Variants in ASTE1 observed in about 807,000 individuals in gnomAD.
ASTE1 encodes single-strand DNA endonuclease ASTE1.
In ASTE1, 49 loss-of-function variants were observed where a neutral mutation model predicts 45.8. The ratio of observed to expected loss-of-function variants is 1.07; its 90% CI spans 0.85 to 1.36. ASTE1 has a LOEUF of 1.36. Among genes scored for constraint, ASTE1 ranks in the 40% most tolerant of loss-of-function variants. ASTE1 has a pLI of 0.00. For synonymous variants in ASTE1, 296 were observed against 303.9 expected (o/e 0.97, Z 0.27); for missense variants, 709 against 804.0 (o/e 0.88, Z 1.43).
At chr3:131,015,560 A>G (rs916589874) in intron 5 of ASTE1, among the ~76,000 whole-genome samples, 2 of 152,158 alleles carry the variant, frequency 1.3e-5, no homozygotes, top group African/African-American at 4.8e-5. Context: ...TAAAGCAAAC[A>G]TCCTAGGTTA....
intron 5 of ASTE1, among the ~76,000 whole-genome samples, chr3:131,015,769 G>A (rs2063593983): frequency 6.6e-6 from 1 of 152,174 alleles, no homozygotes; most frequent in Non-Finnish European, 1.5e-5. Context: ...GGTAGACAGT[G>A]TGTCTCACTA....
chr3:131,014,471 T>G, intron 5 of ASTE1, 84 bp from the exon 6 acceptor site: 1 of 1,308,016 alleles, frequency 7.6e-7, no homozygotes, highest in Non-Finnish European at 1.0e-6. Flanking sequence ...CTTCAACAAA[T>G]GCATCTAAAC....
Position 131,016,343 on chromosome 3 carries a change from A to T in ASTE1, c.1514-4T>A, listed in dbSNP as rs1406339754. 1 of 1,614,060 alleles carries T rather than the reference A, an allele frequency of 6.2e-7. No homozygotes were observed. The highest frequency in any genetic ancestry group is 8.5e-7 in the Non-Finnish European group (1 of 1,180,044). ...TCTTCCTGCAGCTCTTCCTTACCTA[A>T]ATAAAGAAACAGCCCAAGGGCAGTA... On this transcript the variant is annotated splice_polypyrimidine_tract_variant and splice_region_variant and intron_variant, in intron 4 of 5. Coordinates refer to ENST00000264992, the MANE Select transcript of ASTE1 (RefSeq NM_014065.4).
chr3:131,013,952 T>TAACA lies in ASTE1; in HGVS notation c.*101_*104dup, dbSNP rs929741277. The TAACA allele has an allele frequency of 8.0e-6, 6 of 750,764 alleles. No homozygotes were observed. Among genetic ancestry groups the TAACA allele is most frequent in the African/African-American group, 5.4e-5 (3 of 55,962 alleles). 46.5% of individuals were successfully genotyped at this position (750,764 alleles called of 1,614,324 possible). A position where few individuals can be genotyped will look rare whatever the true frequency, so the allele number is the denominator to read the frequency against. ...TCAGATTATTGTGATGTTTATCCCC[T>TAACA]AACAGGTCAGTCCTAAAGAAAAAGC... is the stretch of plus-strand genomic sequence containing the variant. On this transcript the variant is annotated 3_prime_UTR_variant, in exon 6 of 6. Coordinates refer to ENST00000264992, the MANE Select transcript of ASTE1 (RefSeq NM_014065.4).
chr3:131,019,395 C>G (rs2109089992), intron 3 of ASTE1, among the ~76,000 whole-genome samples: 1 of 152,312 alleles, frequency 6.6e-6, no homozygotes, highest in Middle Eastern at 3.4e-3. Flanking sequence ...TTAAGGACTA[C>G]TTGCATTGTG....
At position 131,024,698 on chromosome 3, in the gene ASTE1, G is replaced by A; in HGVS notation, c.609C>T (p.Phe203=). 6.3e-7 allele frequency: 1 copy of A among 1,598,858 alleles called. No individual in the cohort carries two copies. The highest frequency in any genetic ancestry group is 8.5e-7 in the Non-Finnish European group (1 of 1,172,500). ...TATTCATATTGCTGAAGTGATGGCA[G>A]AATGCATCAAGGGAAAAGCATTTGG... ...IPAKCFSLDA[F]CHHFSNMNKA... The change falls in exon 3 of 6, where the codon TTC becomes TTT. Residue 203 remains phenylalanine, a synonymous_variant. Transcript: ENST00000264992.
chr3:131,023,332 G>A (rs1208183577), intron 3 of ASTE1, among the ~76,000 whole-genome samples: 3 of 151,786 alleles, frequency 2.0e-5, no homozygotes, highest in Admixed American at 1.3e-4. Flanking sequence ...TATCAGCATA[G>A]TTTCATATCT....
Position 131,016,210 on chromosome 3 carries a change from C to G in ASTE1, c.1643G>C (p.Cys548Ser). ...GTTGAGATACATCCCCATCTGGAGACAGGACTGCCACTGACAGAAGATGTG... is the reference window on the plus strand; with the variant it reads ...GTTGAGATACATCCCCATCTGGAGAGAGGACTGCCACTGACAGAAGATGTG... ...TAHIFCQWQS[C>S]LQMGMYLNQL... The change falls in exon 5 of 6, where the codon TGT becomes TCT. Residue 548 changes from cysteine (C) to serine (S), a missense_variant. Coordinates refer to ENST00000264992, the MANE Select transcript of ASTE1 (RefSeq NM_014065.4). 1.2e-6 allele frequency: 2 copies of G among 1,614,168 alleles called. No individual in the cohort carries two copies. Among genetic ancestry groups the G allele is most frequent in the Non-Finnish European group, 1.7e-6 (2 of 1,180,040 alleles).
intron 3 of ASTE1, among the ~76,000 whole-genome samples, chr3:131,019,953 C>G (rs2063720217): frequency 6.6e-6 from 1 of 152,150 alleles, no homozygotes; most frequent in Admixed American, 6.5e-5. Context: ...GTAGTTTTAA[C>G]TACTTAAATT....
In ASTE1 at chr3:131,024,916, G is replaced by A. The variant is rs768036506; in HGVS notation, c.391C>T (p.Arg131Trp). 31 of 1,613,796 alleles carry A rather than the reference G, an allele frequency of 1.9e-5. No homozygotes were observed. Among genetic ancestry groups the A allele is most frequent in the East Asian group, 1.6e-4 (7 of 44,898 alleles). The change falls in exon 3 of 6, where the codon CGG (arginine) becomes TGG (tryptophan). Residue 131 changes from arginine (R) to tryptophan (W), a missense_variant. Arg to Trp is a moderately radical substitution (Grantham distance 101). Coordinates refer to ENST00000264992, the MANE Select transcript of ASTE1 (RefSeq NM_014065.4). ...GAAAAGCACTGGACAAAACACACCC[G>A]CAGCTTGATCAAAACCTGTATGAAT... Reference protein sequence around the residue: ...EVFIQVLIKLRVCFVQCFSEA... With the variant: ...EVFIQVLIKLWVCFVQCFSEA...
In ASTE1 at chr3:131,016,429, A is replaced by G. The variant is rs1447598090; in HGVS notation, c.1514-90T>C. 8.6e-6 allele frequency: 12 copies of G among 1,399,550 alleles called. No homozygotes were observed. In the East Asian group the frequency reaches 2.9e-4, roughly 33 times the overall value. The allele number at this position is 1,399,550 out of a possible 1,614,324, so 86.7% of individuals were successfully genotyped here. Reference sequence around the variant, plus strand: ...CACATATACTACAAATTCTATAAAGAAAGAAATTAATTTAAAAAAACTAAG... The same window carrying G: ...CACATATACTACAAATTCTATAAAGGAAGAAATTAATTTAAAAAAACTAAG... On this transcript the variant is annotated intron_variant, in intron 4 of 5. Transcript: ENST00000264992.
chr3:131,024,120 G>A lies in ASTE1; in HGVS notation c.1187C>T (p.Pro396Leu). 1 of 1,614,222 alleles carries A rather than the reference G, an allele frequency of 6.2e-7. No individual in the cohort carries two copies. Among genetic ancestry groups the A allele is most frequent in the South Asian group, 1.1e-5 (1 of 91,090 alleles). ...HLDKTSWNALPPQPLAFSEVE... is the reference protein window; with the variant it reads ...HLDKTSWNALLPQPLAFSEVE... ...TTCACTGAAAGCTAGAGGCTGAGGA[G>A]GCAATGCATTCCAGGATGTCTTGTC... The change falls in exon 3 of 6, where the codon CCT becomes CTT. Residue 396 changes from proline (P) to leucine (L), a missense_variant. Coordinates refer to ENST00000264992, the MANE Select transcript of ASTE1 (RefSeq NM_014065.4).
rs2063745853 is a variant in ASTE1, at chr3:131,021,811, T to C, written c.1302+2194A>G. On this transcript the variant is annotated intron_variant, in intron 3 of 5. Transcript: ENST00000264992. ...TCAAAGTACACACTTTATGTGCACT[T>C]TACTGTACACTACTTATTTCTCAGT... Among the ~76,000 whole-genome samples the C allele has an allele frequency of 2.0e-5, 3 of 152,208 alleles. 1 individual carries two copies. The South Asian group carries it at 6.2e-4, about 32-fold the overall frequency.
At position 131,026,529 on chromosome 3, in the gene ASTE1, T is replaced by TAGAG. The variant is rs985750772; in HGVS notation, c.-170_-169insCTCT. 2.6e-5 allele frequency: 4 copies of TAGAG among 152,220 alleles called. No individual in the cohort carries two copies. Among genetic ancestry groups the TAGAG allele is most frequent in the African/African-American group, 9.7e-5 (4 of 41,370 alleles). 9.4% of individuals were successfully genotyped at this position (152,220 alleles called of 1,614,324 possible). A position where few individuals can be genotyped will look rare whatever the true frequency, so the allele number is the denominator to read the frequency against. On this transcript the variant is annotated 5_prime_UTR_variant, in exon 1 of 6. It removes the in-frame stop codon of an upstream open reading frame in the 5' UTR. Coordinates refer to ENST00000264992, the MANE Select transcript of ASTE1 (RefSeq NM_014065.4). ...TACTCTGTCCTCCCAGAGGAGTAGC[T>TAGAG]CCTCCATCAGAAGCCCGCTAGAGCC...
Position 131,024,719 on chromosome 3 carries a change from T to G in ASTE1, c.588A>C (p.Lys196Asn). 2 of 1,606,302 alleles carry G rather than the reference T, an allele frequency of 1.2e-6. No individual in the cohort carries two copies. ...GGCAGAATGCATCAAGGGAAAAGCA[T>G]TTGGCAGGGATATAGTTTTGTGTGC... Reference protein sequence around the residue: ...IKGTQNYIPAKCFSLDAFCHH... With the variant: ...IKGTQNYIPANCFSLDAFCHH... Residue 196 changes from lysine (K) to asparagine (N), a missense_variant, in exon 3 of 6, where the codon AAA becomes AAC. Physicochemically the swap from Lys to Asn is moderately conservative, Grantham distance 94. Transcript: ENST00000264992.
chr3:131,025,319 A>C lies in ASTE1; in HGVS notation c.-13T>G. ...CTCGGATACCCATGATGACAGTCTA[A>C]AGAATTAATCGCCTGTTTAAAACAA... On this transcript the variant is annotated 5_prime_UTR_variant, in exon 3 of 6. Transcript: ENST00000264992. 1.9e-6 allele frequency: 3 copies of C among 1,601,460 alleles called. No individual in the cohort carries two copies. The highest frequency in any genetic ancestry group is 2.6e-6 in the Non-Finnish European group (3 of 1,173,054).
In ASTE1 at chr3:131,024,770, C is replaced by T; in HGVS notation, c.537G>A (p.Gln179=). ...CCTTAATAGTGTTCATATTTCTCCA[C>T]TGAAAGCTATTCAATGGGCAAAACC... ...KTGFCPLNSF[Q]WRNMNTIKGT... Residue 179 remains glutamine (Q), a synonymous_variant, in exon 3 of 6, where the codon CAG becomes CAA. Transcript: ENST00000264992. The T allele has an allele frequency of 2.5e-6, 4 of 1,613,910 alleles. No homozygotes were observed. Among genetic ancestry groups the T allele is most frequent in the Non-Finnish European group, 3.4e-6 (4 of 1,179,926 alleles).
At chr3:131,016,862 A>G (rs2063650835) in intron 4 of ASTE1, 1 of 612,614 alleles carries the variant, frequency 1.6e-6, no homozygotes, top group Non-Finnish European at 2.4e-6. Context: ...ATAAGGGGCA[A>G]GAAGCAACAA....
chr3:131,022,599 A>C (rs1235541468), intron 3 of ASTE1, among the ~76,000 whole-genome samples: 14 of 152,004 alleles, frequency 9.2e-5, no homozygotes, highest in Non-Finnish European at 1.3e-4. Flanking sequence ...CTGGGCTTAC[A>C]GGCATGAGCC....
Sources: gnomAD v4.1 joint callset for allele counts (sites outside exome capture counted in the v4.1 genomes callset) on GRCh38, gnomAD v4.1.1 for gene constraint, MANE v1.5 for transcripts, NCBI Gene and HGNC (gene_info 2026-07-23, HGNC 2026-07-21) for gene names.